LETM1: variants seen among roughly 807,000 people sequenced by gnomAD.
LETM1 encodes leucine zipper and EF-hand containing transmembrane protein 1.
LETM1 carries 50 observed loss-of-function variants against 74.5 expected under a neutral mutation model. That is an observed-to-expected ratio of 0.67 (90% confidence interval 0.53 to 0.85). The LOEUF (loss-of-function observed/expected upper bound fraction) is 0.85, where lower values mean the gene tolerates loss of function less well. LETM1 is among the 40% of genes least tolerant of loss of function. The pLI is 0.00. For missense variants in LETM1, 824 were observed against 967.8 expected, an observed-to-expected ratio of 0.85 and a Z score of 1.97; for synonymous variants, 446 against 407.1, an observed-to-expected ratio of 1.10 and a Z score of -1.15.
chr4:1,822,966 A>G, intron 9 of LETM1, 22 bp downstream of exon 9: 1 of 1,461,322 alleles, frequency 6.8e-7, no homozygotes, highest in Non-Finnish European at 9.1e-7. Context: ...CCCACGCGGC[A>G]CGGAGCAGGA....
At chr4:1,843,024 C>T (rs187203256) in intron 2 of LETM1, 21 of 379,902 alleles carry the variant, frequency 5.5e-5, no homozygotes, top group African/African-American at 3.6e-4. Flanking sequence ...CCATGTGTGT[C>T]GCATAACTTC....
At chr4:1,840,243 G>A (rs1034553891) in intron 3 of LETM1, among the ~76,000 whole-genome samples, 2 of 152,152 alleles carry the variant, frequency 1.3e-5, no homozygotes, top group African/African-American at 2.4e-5. Context: ...CGGGTGTGAT[G>A]GTATATGCCT....
At position 1,814,451 on chromosome 4, in the gene LETM1, C is replaced by A; in HGVS notation, c.2193G>T (p.Glu731Asp). ...AGCTCTTCACCTCTGCGACCTCCTTCTCTGCCTTCTCTTTGGCCTTCTCCT... is the reference window on the plus strand; with the variant it reads ...AGCTCTTCACCTCTGCGACCTCCTTATCTGCCTTCTCTTTGGCCTTCTCCT... ...EEKEKAKEKA[E>D]KEVAEVKS The change falls in exon 14 of 14, where the codon GAG (glutamate) becomes GAT (aspartate). Residue 731 changes from glutamate to aspartate, a missense_variant. Glu to Asp is a conservative substitution (Grantham distance 45). This residue lies in a region of LETM1 where 161 missense variants were observed against 252.7 expected (regional missense o/e 0.64). Transcript: ENST00000302787. The A allele has an allele frequency of 6.2e-7, 1 of 1,614,236 alleles. No individual in the cohort carries two copies. The highest frequency in any genetic ancestry group is 8.5e-7 in the Non-Finnish European group (1 of 1,180,016).
At chr4:1,847,555 C>T (rs1366096427) in intron 2 of LETM1, among the ~76,000 whole-genome samples, 1 of 151,992 alleles carries the variant, frequency 6.6e-6, no homozygotes, top group Non-Finnish European at 1.5e-5. Flanking sequence ...CGCAGTGGCT[C>T]ACACCTGTAA....
At position 1,836,748 on chromosome 4, in the gene LETM1, C is replaced by T. The variant is rs1316567095; in HGVS notation, c.595-176G>A. Reference sequence around the variant, plus strand: ...AGCAGACCATTCCCAAAACCCACTTCTTTCTCAGGGTCCAAAGCAGGTACC... The same window carrying T: ...AGCAGACCATTCCCAAAACCCACTTTTTTCTCAGGGTCCAAAGCAGGTACC... On this transcript the variant is annotated intron_variant, in intron 3 of 13. Coordinates refer to ENST00000302787, the MANE Select transcript of LETM1 (RefSeq NM_012318.3). This position sits in a 1 kb window ranked among gnomAD's most constrained non-coding sequence, Gnocchi z 5.8. 6.6e-6 allele frequency among the ~76,000 whole-genome samples: 1 copy of T among 152,208 alleles called. No homozygotes were observed. Among genetic ancestry groups the T allele is most frequent in the African/African-American group, 2.4e-5 (1 of 41,438 alleles).
At chr4:1,847,307 C>G (rs1360583581) in intron 2 of LETM1, among the ~76,000 whole-genome samples, 1 of 151,142 alleles carries the variant, frequency 6.6e-6, no homozygotes, top group Non-Finnish European at 1.5e-5. Flanking sequence ...CACCACTGCA[C>G]TCTAGCCTGG....
chr4:1,817,800 C>T (rs1487277312), intron 11 of LETM1, among the ~76,000 whole-genome samples: 1 of 152,108 alleles, frequency 6.6e-6, no homozygotes, highest in Non-Finnish European at 1.5e-5. Flanking sequence ...GAGATAGGGT[C>T]TTGCTCTGTC....
Position 1,815,947 on chromosome 4 carries a change from T to C in LETM1, c.1932-145A>G. 4 of 895,638 alleles carry C rather than the reference T, an allele frequency of 4.5e-6. No homozygotes were observed. The Middle Eastern group carries it at 9.1e-4, about 203-fold the overall frequency. The allele number at this position is 895,638 out of a possible 1,614,324, so 55.5% of individuals were successfully genotyped here. A position where few individuals can be genotyped will look rare whatever the true frequency, so the allele number is the denominator to read the frequency against. ...CAACCTCCAGCACGGACCCCCAAGG[T>C]ATGATCCCATCCTGCATACAATGCC... On this transcript the variant is annotated intron_variant, in intron 12 of 13. Transcript: ENST00000302787.
intron 1 of LETM1, among the ~76,000 whole-genome samples, chr4:1,852,227 C>T (rs532949577): frequency 3.3e-5 from 5 of 152,284 alleles, no homozygotes; most frequent in South Asian, 2.1e-4. Context: ...TTCCCATGAC[C>T]GCCTTGGTTT....
chr4:1,823,552 G>A (rs1174534028), intron 8 of LETM1, 92 bp downstream of exon 8: 10 of 1,525,228 alleles, frequency 6.6e-6, no homozygotes, highest in Non-Finnish European at 9.0e-6. Flanking sequence ...CCATGGTTGA[G>A]GAATGAGTGC....
At chr4:1,816,179 G>A (rs1040005631) in intron 12 of LETM1, among the ~76,000 whole-genome samples, 1 of 152,230 alleles carries the variant, frequency 6.6e-6, no homozygotes, top group East Asian at 1.9e-4. Context: ...GAGCAGGGAC[G>A]AGAGCATGAG....
At chr4:1,820,299 T>A (rs1008084088) in intron 10 of LETM1, among the ~76,000 whole-genome samples, 1 of 152,190 alleles carries the variant, frequency 6.6e-6, no homozygotes, top group African/African-American at 2.4e-5. Flanking sequence ...CACTTGCATA[T>A]CTTTTTCCAA....
In LETM1 at chr4:1,819,578, A is replaced by G. The variant is rs1711700050; in HGVS notation, c.1609-106T>C. The stretch of plus-strand genomic sequence containing the variant: ...CATATTATACGGGCAGCCCAGGGCA[A>G]GAGTCTCACTGGACAGTCATTGGTA... On this transcript the variant is annotated intron_variant, in intron 10 of 13. Transcript: ENST00000302787. The G allele has an allele frequency of 3.1e-6, 4 of 1,293,476 alleles. No homozygotes were observed. The East Asian group carries it at 9.8e-5, about 32-fold the overall frequency. 80.1% of individuals were successfully genotyped at this position (1,293,476 alleles called of 1,614,324 possible).
At chr4:1,831,827 A>G (rs80036612) in intron 6 of LETM1, among the ~76,000 whole-genome samples, 2,711 of 152,382 alleles carry the variant, frequency 0.018, 77 homozygotes, top group African/African-American at 0.061. Context: ...CAATGCCTGC[A>G]TTCAGGAAAA....
In LETM1 at chr4:1,851,791, CG is replaced by C. The variant is rs140626201; in HGVS notation, c.83-2583del. ...GCTCCTGTGCCTCAAGGGCTCCGCC[CG>C]GCAAGCAGGCAGGCTGGCAGGTCTC... On this transcript the variant is annotated intron_variant, in intron 1 of 13. Transcript: ENST00000302787. 5.3e-5 allele frequency among the ~76,000 whole-genome samples: 8 copies of C among 152,336 alleles called. No homozygotes were observed. In the East Asian group the frequency reaches 1.5e-3, roughly 29 times the overall value.
intron 1 of LETM1, among the ~76,000 whole-genome samples, chr4:1,850,527 G>A (rs1440301496): frequency 9.2e-5 from 14 of 151,664 alleles, no homozygotes; most frequent in Admixed American, 8.5e-4. Context: ...CGGACCGGGC[G>A]CAGTGGCTCA....
intron 11 of LETM1, among the ~76,000 whole-genome samples, chr4:1,817,352 T>C (rs903435064): frequency 1.3e-5 from 2 of 149,594 alleles, no homozygotes; most frequent in Non-Finnish European, 3.0e-5. Context: ...AGGACAGGAG[T>C]TCGAAACCAG....
intron 1 of LETM1, among the ~76,000 whole-genome samples, chr4:1,850,263 A>AAAAC (rs1466377794): frequency 6.6e-6 from 1 of 152,188 alleles, no homozygotes; most frequent in African/African-American, 2.4e-5. Flanking sequence ...CTGCTAAGTG[A>AAAAC]AGGGTCTGCC....
chr4:1,815,635 T>C lies in LETM1; in HGVS notation c.2070+29A>G, dbSNP rs368386985. 24 of 1,612,226 alleles carry C rather than the reference T, an allele frequency of 1.5e-5. No homozygotes were observed. The African/African-American group carries it at 2.5e-4, about 17-fold the overall frequency. Reference sequence around the variant, plus strand: ...ACCCCACTCCAGAGCAGGTGGCGGATGGCCTGCGTGGTCCCCAGCGAGGCC... The same window carrying C: ...ACCCCACTCCAGAGCAGGTGGCGGACGGCCTGCGTGGTCCCCAGCGAGGCC... On this transcript the variant is annotated intron_variant, in intron 13 of 13. Coordinates refer to ENST00000302787, the MANE Select transcript of LETM1 (RefSeq NM_012318.3).
Sources: allele counts gnomAD v4.1 joint callset (sites outside exome capture counted in the v4.1 genomes callset), GRCh38; gene constraint gnomAD v4.1.1; regional missense constraint gnomAD v4.1.1; non-coding constraint Gnocchi (gnomAD v3.1); transcripts MANE v1.5; gene names NCBI Gene and HGNC (gene_info 2026-07-23, HGNC 2026-07-21).